NEGR1: variants seen among roughly 807,000 people sequenced by gnomAD.
NEGR1 encodes the protein neuronal growth regulator 1, also known as IgLON family member 4.
A neutral mutation model predicts 40.9 loss-of-function variants in NEGR1; 10 were observed. The observed-to-expected ratio is 0.24, with a 90% CI of 0.15 to 0.42. The LOEUF is 0.42. NEGR1 is among the 10% of genes least tolerant of loss of function. The probability of loss-of-function intolerance (pLI) is 1.00; values close to 1 mark genes in which losing one functional copy is unlikely to be tolerated. For missense variants in NEGR1, 352 were observed against 438.9 expected, an observed-to-expected ratio of 0.80 and a Z score of 1.77; for synonymous variants, 185 against 166.8, an observed-to-expected ratio of 1.11 and a Z score of -0.84.
intron 4 of NEGR1, among the ~76,000 whole-genome samples, chr1:71,675,132 C>T (rs372418101): frequency 0.048 from 325 of 6,760 alleles, no homozygotes; most frequent in East Asian, 0.11. Flanking sequence ...TATATACACA[C>T]ACACATATGA....
chr1:71,678,679 T>C (rs1652727036), intron 4 of NEGR1, among the ~76,000 whole-genome samples: 1 of 152,128 alleles, frequency 6.6e-6, no homozygotes, highest in Non-Finnish European at 1.5e-5. Context: ...TCTTATTTGT[T>C]CAACATTTTG....
chr1:71,950,188 G>A (rs1366220165), intron 1 of NEGR1, among the ~76,000 whole-genome samples: 1 of 151,908 alleles, frequency 6.6e-6, no homozygotes, highest in Non-Finnish European at 1.5e-5. Context: ...GTAGTTCAGA[G>A]TTCCTACTGT....
At chr1:71,666,921 T>C (rs1570172739) in intron 4 of NEGR1, among the ~76,000 whole-genome samples, 1 of 152,354 alleles carries the variant, frequency 6.6e-6, no homozygotes, top group East Asian at 1.9e-4. Context: ...TCTCATGACC[T>C]CATACTTAAC....
intron 1 of NEGR1, among the ~76,000 whole-genome samples, chr1:72,017,615 A>G (rs1370554509): frequency 6.6e-6 from 1 of 152,162 alleles, no homozygotes; most frequent in African/African-American, 2.4e-5. Flanking sequence ...CTGCAGAATC[A>G]GAGCTTTTCT....
In NEGR1 at chr1:72,138,033, C is replaced by T. The variant is rs575028675; in HGVS notation, c.176+144286G>A. Among the ~76,000 whole-genome samples, 3 of 151,934 alleles carry T rather than the reference C, an allele frequency of 2.0e-5. No individual in the cohort carries two copies. In the South Asian group the frequency reaches 6.2e-4, roughly 32 times the overall value. On this transcript the variant is annotated intron_variant, in intron 1 of 6. Coordinates refer to ENST00000357731, the MANE Select transcript of NEGR1 (RefSeq NM_173808.3). ...GCTGAAAGAATTCACCACTGGCAGA[C>T]TCATCACACTCCAAGATATGCTGAA... is the stretch of plus-strand genomic sequence containing the variant.
At chr1:71,859,979 C>G (rs183223174) in intron 2 of NEGR1, among the ~76,000 whole-genome samples, 20 of 152,094 alleles carry the variant, frequency 1.3e-4, no homozygotes, top group Admixed American at 1.0e-3. Flanking sequence ...CTGCCATACT[C>G]ACAATGATTA....
At chr1:72,125,256 T>C (rs187024359) in intron 1 of NEGR1, among the ~76,000 whole-genome samples, 53 of 152,166 alleles carry the variant, frequency 3.5e-4, no homozygotes, top group Admixed American at 1.5e-3. Context: ...TGAGAAAAAT[T>C]GAACGTATCA....
chr1:72,214,295 A>G (rs1653716485), intron 1 of NEGR1, among the ~76,000 whole-genome samples: 1 of 152,146 alleles, frequency 6.6e-6, no homozygotes. Flanking sequence ...ATTCCTTTTG[A>G]AAACCGGCAC....
At chr1:71,695,300 T>C (rs940147764) in intron 4 of NEGR1, among the ~76,000 whole-genome samples, 1 of 151,782 alleles carries the variant, frequency 6.6e-6, no homozygotes, top group Non-Finnish European at 1.5e-5. Context: ...GGGTGAATTA[T>C]CAAAGGTATG....
intron 1 of NEGR1, among the ~76,000 whole-genome samples, chr1:72,046,788 T>G (rs555365926): frequency 6.6e-6 from 1 of 151,696 alleles, no homozygotes; most frequent in African/African-American, 2.4e-5. Context: ...AAGAAAACAC[T>G]AATTCAAAGT....
intron 2 of NEGR1, among the ~76,000 whole-genome samples, chr1:71,876,519 G>A (rs189325292): frequency 1.3e-4 from 20 of 150,442 alleles, no homozygotes; most frequent in Admixed American, 1.1e-3. Flanking sequence ...AAGAAAGGAA[G>A]AAAGAAGAGA....
intron 1 of NEGR1, among the ~76,000 whole-genome samples, chr1:72,075,165 G>A (rs1647667108): frequency 1.3e-5 from 2 of 152,010 alleles, no homozygotes; most frequent in Admixed American, 1.3e-4. Context: ...CCACCACATA[G>A]ATATAGAGAA....
intron 3 of NEGR1, among the ~76,000 whole-genome samples, chr1:71,720,386 C>A (rs368632844): frequency 6.6e-6 from 1 of 152,162 alleles, no homozygotes; most frequent in Non-Finnish European, 1.5e-5. Context: ...ACGAGCCATA[C>A]ATATGCATGG....
intron 6 of NEGR1, among the ~76,000 whole-genome samples, chr1:71,418,354 C>T (rs1646370812): frequency 1.3e-5 from 2 of 151,686 alleles, no homozygotes; most frequent in Admixed American, 6.6e-5. Flanking sequence ...TACTCTGTCG[C>T]CCAGGCTGGA....
chr1:71,491,599 A>G (rs1384050109), intron 6 of NEGR1, among the ~76,000 whole-genome samples: 19 of 151,730 alleles, frequency 1.3e-4, no homozygotes, highest in Non-Finnish European at 8.8e-5. Flanking sequence ...TTAAATGAAA[A>G]TATGACCTCA....
intron 2 of NEGR1, among the ~76,000 whole-genome samples, chr1:71,905,756 G>C (rs367652418): frequency 9.2e-5 from 14 of 151,692 alleles, no homozygotes; most frequent in East Asian, 5.8e-4. Context: ...AAGAAATGAA[G>C]GTACATGTGT....
chr1:71,589,868 C>A (rs1649440438), intron 6 of NEGR1, among the ~76,000 whole-genome samples: 1 of 152,110 alleles, frequency 6.6e-6, no homozygotes, highest in African/African-American at 2.4e-5. Flanking sequence ...CGTAACTCTC[C>A]AAAACCAGGA....
chr1:72,100,891 G>C (rs1334009628), intron 1 of NEGR1: 1 of 152,252 alleles, frequency 6.6e-6, no homozygotes, highest in Non-Finnish European at 1.5e-5. Context: ...TCTATTCCTG[G>C]CTTGCAGATG....
chr1:71,827,777 G>A (rs777858316), intron 2 of NEGR1, among the ~76,000 whole-genome samples: 5 of 151,438 alleles, frequency 3.3e-5, no homozygotes, highest in South Asian at 2.1e-4. Context: ...TAACTATACC[G>A]CGAGAGAGAC....
Sources: gnomAD v4.1 joint callset for allele counts (sites outside exome capture counted in the v4.1 genomes callset) on GRCh38, gnomAD v4.1.1 for gene constraint, MANE v1.5 for transcripts, NCBI Gene and HGNC (gene_info 2026-07-23, HGNC 2026-07-21) for gene names.